TEX36: variants seen among roughly 807,000 people sequenced by gnomAD.
TEX36 encodes the protein testis expressed 36, also known as testis-expressed protein 36.
TEX36 carries 12 observed loss-of-function variants against 13.6 expected under a neutral mutation model. That is an observed-to-expected ratio of 0.88 (90% CI 0.56 to 1.43). The LOEUF is 1.43. TEX36 is among the 40% of genes most tolerant of loss of function. The probability of loss-of-function intolerance (pLI) is 0.00; values close to 1 mark genes in which losing one functional copy is unlikely to be tolerated. For missense variants in TEX36, 224 were observed against 228.3 expected (o/e 0.98, Z 0.12); for synonymous variants, 93 against 83.0 (o/e 1.12, Z -0.65).
At chr10:125,595,417 C>CA (rs1467640957) in intron 3 of TEX36, among the ~76,000 whole-genome samples, 1 of 152,236 alleles carries the variant, frequency 6.6e-6, no homozygotes, top group African/African-American at 2.4e-5. Context: ...ATCTTCACAG[C>CA]ATCCGCCTAG....
chr10:125,670,668 T>C (rs1847209716), intron 1 of TEX36, among the ~76,000 whole-genome samples: 1 of 152,182 alleles, frequency 6.6e-6, no homozygotes, highest in Non-Finnish European at 1.5e-5. Flanking sequence ...TTGTTTGCCC[T>C]TTCCTATGTC....
chr10:125,648,821 T>C (rs1846811080), intron 3 of TEX36, among the ~76,000 whole-genome samples: 1 of 152,088 alleles, frequency 6.6e-6, no homozygotes, highest in Non-Finnish European at 1.5e-5. Flanking sequence ...CCTTAAATAA[T>C]GGAGCTGAAA....
At chr10:125,602,050 G>A (rs1028841505) in intron 3 of TEX36, among the ~76,000 whole-genome samples, 9 of 152,158 alleles carry the variant, frequency 5.9e-5, no homozygotes, top group Non-Finnish European at 1.3e-4. Flanking sequence ...GTTGCAGGGG[G>A]AAAGGGGAGG....
intron 1 of TEX36, chr10:125,667,102 T>G: frequency 1.1e-6 from 1 of 920,732 alleles, no homozygotes; most frequent in South Asian, 1.3e-5. Flanking sequence ...GGCGTTGAGG[T>G]TGATGGATGC....
intron 1 of TEX36, among the ~76,000 whole-genome samples, chr10:125,673,764 C>T (rs1847269557): frequency 6.8e-6 from 1 of 147,008 alleles, no homozygotes; most frequent in Non-Finnish European, 1.5e-5. Flanking sequence ...TCTCTTCTGG[C>T]TTGTAGGGTT....
rs965137017 is a variant in TEX36, at chr10:125,598,096, C to T, written c.265-21222G>A. ...GGAGTGGCAGGCCCCTAAGAGGGGT[C>T]CCTGCTAGGGTCTGTGGGCCACCTG... is the stretch of plus-strand genomic sequence containing the variant. On this transcript the variant is annotated intron_variant, in intron 3 of 3. Coordinates refer to the TEX36 transcript ENST00000532135. Among the ~76,000 whole-genome samples the T allele has an allele frequency of 7.9e-5, 12 of 152,096 alleles. 1 individual carries two copies. Among genetic ancestry groups the T allele is most frequent in the Admixed American group, 1.3e-4 (2 of 15,272 alleles).
intron 3 of TEX36, among the ~76,000 whole-genome samples, chr10:125,597,791 C>T (rs186791425): frequency 2.0e-5 from 3 of 152,264 alleles, no homozygotes; most frequent in Admixed American, 2.0e-4. Flanking sequence ...GTCCAAATGA[C>T]AATGGTTGGC....
At chr10:125,585,283 C>T (rs1181424342) in intron 3 of TEX36, among the ~76,000 whole-genome samples, 1 of 152,120 alleles carries the variant, frequency 6.6e-6, no homozygotes, top group Non-Finnish European at 1.5e-5. Flanking sequence ...GATGTACCTG[C>T]CCAATTCCCT....
chr10:125,584,992 C>T (rs1845926613), intron 3 of TEX36, among the ~76,000 whole-genome samples: 1 of 152,170 alleles, frequency 6.6e-6, no homozygotes, highest in African/African-American at 2.4e-5. Flanking sequence ...ATGAATGTCT[C>T]AACATGGGTC....
intron 1 of TEX36, 132 bp from the exon 2 acceptor site, chr10:125,662,109 T>A: frequency 8.2e-7 from 1 of 1,212,714 alleles, no homozygotes; most frequent in East Asian, 2.6e-5. Flanking sequence ...ATGGCATAAT[T>A]TTTGTAATTT....
intron 3 of TEX36, among the ~76,000 whole-genome samples, chr10:125,650,174 C>T (rs1846831412): frequency 6.6e-6 from 1 of 152,200 alleles, no homozygotes; most frequent in East Asian, 1.9e-4. Context: ...AACTCTCCAC[C>T]TCAAATCAAC....
chr10:125,632,505 C>A (rs902096932), intron 3 of TEX36, among the ~76,000 whole-genome samples: 2 of 152,102 alleles, frequency 1.3e-5, no homozygotes, highest in African/African-American at 4.8e-5. Context: ...GACTGGCCCA[C>A]AAAATGCGTT....
chr10:125,651,432 G>A (rs149978349), downstream of TEX36, among the ~76,000 whole-genome samples: 13,216 of 152,186 alleles, frequency 0.087, 941 homozygotes, highest in East Asian at 0.31. Flanking sequence ...AAAGGCCTTC[G>A]AGAAAATTCA....
At chr10:125,671,243 C>T (rs1021691726) in intron 1 of TEX36, among the ~76,000 whole-genome samples, 3 of 152,302 alleles carry the variant, frequency 2.0e-5, no homozygotes, top group East Asian at 1.9e-4. Flanking sequence ...AGCTTTTACC[C>T]ATCCAGTATG....
intron 3 of TEX36, among the ~76,000 whole-genome samples, chr10:125,614,201 G>C (rs1186480324): frequency 1.3e-5 from 2 of 152,104 alleles, no homozygotes; most frequent in East Asian, 3.9e-4. Context: ...AGATGAGTAG[G>C]TTGCGAAAAT....
intron 1 of TEX36, among the ~76,000 whole-genome samples, chr10:125,680,065 A>G (rs1004387720): frequency 6.6e-6 from 1 of 152,244 alleles, no homozygotes; most frequent in African/African-American, 2.4e-5. Flanking sequence ...AAATGTGTTC[A>G]AAGTCAACCT....
At chr10:125,675,273 A>C (rs187795143) in intron 1 of TEX36, among the ~76,000 whole-genome samples, 3 of 152,282 alleles carry the variant, frequency 2.0e-5, no homozygotes, top group African/African-American at 7.2e-5. Flanking sequence ...CAGCACCAGC[A>C]GGGTAAAAAT....
chr10:125,663,833 T>C (rs1847083510), intron 1 of TEX36, among the ~76,000 whole-genome samples: 1 of 152,222 alleles, frequency 6.6e-6, no homozygotes, highest in South Asian at 2.1e-4. Flanking sequence ...ACCTCCAGCA[T>C]TTATCATTTC....
At chr10:125,586,040 G>C (rs1845943270) in intron 3 of TEX36, among the ~76,000 whole-genome samples, 1 of 152,212 alleles carries the variant, frequency 6.6e-6, no homozygotes, top group African/African-American at 2.4e-5. Flanking sequence ...TCTAAGTTCA[G>C]TAATAGACGG....
Sources: allele counts gnomAD v4.1 joint callset (sites outside exome capture counted in the v4.1 genomes callset), GRCh38; gene constraint gnomAD v4.1.1; transcripts MANE v1.5; gene names NCBI Gene and HGNC (gene_info 2026-07-23, HGNC 2026-07-21).